The following TEX10 variants were observed in gnomAD, a reference collection of about 807,000 sequenced individuals.
The protein encoded by TEX10 is testis-expressed protein 10.
TEX10 carries 24 observed loss-of-function variants against 104.4 expected under a neutral mutation model. That is an observed-to-expected ratio of 0.23 (90% CI 0.17 to 0.32). The LOEUF is 0.32. Ranked by LOEUF, TEX10 falls within the 10% of genes least tolerant of loss-of-function variation. The pLI, the probability that TEX10 is intolerant of heterozygous loss-of-function variation, is 1.00. For missense variants in TEX10, 921 were observed against 1,083.9 expected (o/e 0.85, Z 2.11); for synonymous variants, 396 against 393.4 (o/e 1.01, Z -0.08).
chr9:100,338,439 G>A (rs773243209), intron 5 of TEX10, among the ~76,000 whole-genome samples: 17 of 152,202 alleles, frequency 1.1e-4, no homozygotes, highest in Admixed American at 7.2e-4. Context: ...ACCCTTCTGA[G>A]AGGTTAGAGT....
chr9:100,315,985 G>A (rs1834407838), intron 11 of TEX10, among the ~76,000 whole-genome samples: 1 of 152,158 alleles, frequency 6.6e-6, no homozygotes. Context: ...TACTTTGTTG[G>A]CTAGGTTTTC....
intron 11 of TEX10, among the ~76,000 whole-genome samples, chr9:100,317,060 C>A (rs929331697): frequency 3.3e-5 from 5 of 151,962 alleles, no homozygotes; most frequent in Non-Finnish European, 7.4e-5. Context: ...AAAATGACAA[C>A]ACTAACCAAA....
At chr9:100,336,544 A>G (rs1471008299) in intron 5 of TEX10, among the ~76,000 whole-genome samples, 1 of 152,212 alleles carries the variant, frequency 6.6e-6, no homozygotes, top group Non-Finnish European at 1.5e-5. Flanking sequence ...TCACCCCCAG[A>G]TAAGACTGTC....
chr9:100,344,171 G>A (rs1835243744), intron 4 of TEX10, among the ~76,000 whole-genome samples: 1 of 152,062 alleles, frequency 6.6e-6, no homozygotes, highest in African/African-American at 2.4e-5. Flanking sequence ...ATTCCTATCT[G>A]AATTTATTTA....
At chr9:100,347,526 G>C (rs1835330374) in intron 2 of TEX10, 120 bp from the exon 3 acceptor site, 1 of 669,398 alleles carries the variant, frequency 1.5e-6, no homozygotes, top group East Asian at 3.0e-5. Context: ...GCTTCAATAA[G>C]TACTTTTTAA....
intron 5 of TEX10, among the ~76,000 whole-genome samples, chr9:100,338,659 G>A (rs960073502): frequency 2.0e-5 from 3 of 152,182 alleles, no homozygotes; most frequent in African/African-American, 4.8e-5. Flanking sequence ...GGGAGGCCAA[G>A]GTAGTGGGTC....
At position 100,330,001 on chromosome 9, in the gene TEX10, C is replaced by T. The variant is rs1834815382; in HGVS notation, c.1419G>A (p.Arg473=). The part of the protein sequence containing the change: ...FVTETLEDGS[R]LNSKQLNRLL... ...ATCTGTTCAGTTGCTTACTATTTAG[C>T]CTAGAGCCATCTTCAAGGGTCTCTG... is the stretch of plus-strand genomic sequence containing the variant. The change falls in exon 6 of 15, where the codon AGG becomes AGA. Residue 473 remains arginine (R), a synonymous_variant. Coordinates refer to ENST00000374902, the MANE Select transcript of TEX10 (RefSeq NM_017746.4). 6.2e-7 allele frequency: 1 copy of T among 1,614,122 alleles called. No individual in the cohort carries two copies. Among genetic ancestry groups the T allele is most frequent in the East Asian group, 2.2e-5 (1 of 44,878 alleles).
In TEX10 at chr9:100,302,280, C is replaced by G. The variant is rs760004585; in HGVS notation, c.2701G>C (p.Glu901Gln). 23 of 1,613,346 alleles carry G rather than the reference C, an allele frequency of 1.4e-5. No individual in the cohort carries two copies. The highest frequency in any genetic ancestry group is 1.9e-5 in the Non-Finnish European group (23 of 1,179,630). ...TAATGTAAGTCTGTGAGCCACTGTTCCTGAACACTTCCACTCTTCAATGTC... is the reference window on the plus strand; with the variant it reads ...TAATGTAAGTCTGTGAGCCACTGTTGCTGAACACTTCCACTCTTCAATGTC... ...ITTLKSGSVQ[E>Q]QWLTDLHYCF... Residue 901 changes from glutamate to glutamine, a missense_variant, in exon 15 of 15, where the codon GAA becomes CAA. Physicochemically the swap from Glu to Gln is conservative, Grantham distance 29. Around this residue, in one of 3 missense-constraint regions of TEX10, gnomAD observed 753 missense variants for 868.4 expected, o/e 0.87. Transcript: ENST00000374902.
Position 100,329,162 on chromosome 9 carries a change from C to G in TEX10, c.1603G>C (p.Glu535Gln). The change falls in exon 7 of 15, where the codon GAA becomes CAA. Residue 535 changes from glutamate to glutamine, a missense_variant. By Grantham distance (29) the Glu-to-Gln change is conservative (BLOSUM62 2). Transcript: ENST00000374902. ...KFFSKIYQTE[E>Q]LRSCRFRYRS... is the part of the protein sequence containing the mutation. ...TACCTGAATCTACAAGATCTCAGTTCTTCTGTCTGATAGATTTTACTGAAA... is the reference window on the plus strand; with the variant it reads ...TACCTGAATCTACAAGATCTCAGTTGTTCTGTCTGATAGATTTTACTGAAA... 1 of 1,607,162 alleles carries G rather than the reference C, an allele frequency of 6.2e-7. No homozygotes were observed. Among genetic ancestry groups the G allele is most frequent in the Non-Finnish European group, 8.5e-7 (1 of 1,178,498 alleles).
At chr9:100,351,056 G>C (rs1423791238) in intron 1 of TEX10, among the ~76,000 whole-genome samples, 6 of 152,038 alleles carry the variant, frequency 3.9e-5, no homozygotes, top group African/African-American at 1.2e-4. Flanking sequence ...TCAAGTCTCA[G>C]GATCAGGACA....
chr9:100,346,357 T>C (rs756981335), intron 3 of TEX10, 42 bp from the exon 4 acceptor site: 1 of 1,566,516 alleles, frequency 6.4e-7, no homozygotes, highest in Non-Finnish European at 8.6e-7. Context: ...GATTAAAAAA[T>C]GTTTATTATC....
chr9:100,314,469 G>C lies in TEX10; in HGVS notation c.2203-4090C>G, dbSNP rs181554771. On this transcript the variant is annotated intron_variant, in intron 11 of 14. Coordinates refer to ENST00000374902, the MANE Select transcript of TEX10 (RefSeq NM_017746.4). ...TCTGTTTCATCCTGGTTCAACCTTG[G>C]GGAGTTGTATGTTTCCAGGAATTTA... Among the ~76,000 whole-genome samples the C allele has an allele frequency of 2.6e-5, 4 of 152,188 alleles. No homozygotes were observed. The East Asian group carries it at 7.7e-4, about 29-fold the overall frequency.
intron 4 of TEX10, among the ~76,000 whole-genome samples, chr9:100,345,032 G>A (rs1016204690): frequency 6.6e-6 from 1 of 152,048 alleles, no homozygotes; most frequent in Admixed American, 6.5e-5. Flanking sequence ...CATTCTTACT[G>A]TCTCTAGCCT....
chr9:100,311,831 T>C (rs1834289889), intron 11 of TEX10, among the ~76,000 whole-genome samples: 2 of 152,058 alleles, frequency 1.3e-5, no homozygotes, highest in Admixed American at 1.3e-4. Flanking sequence ...AAATGAAATA[T>C]GTAAAAACAT....
intron 4 of TEX10, among the ~76,000 whole-genome samples, chr9:100,343,976 A>G (rs1257632075): frequency 6.6e-6 from 1 of 152,222 alleles, no homozygotes; most frequent in Admixed American, 6.5e-5. Flanking sequence ...GTCATTTTGT[A>G]TAGAATGCTA....
rs1835376459 is a variant in TEX10 at position 100,349,168 on chromosome 9, A to G, written c.180+16T>C. 2.0e-6 allele frequency: 3 copies of G among 1,513,126 alleles called. No homozygotes were observed. The highest frequency in any genetic ancestry group is 2.4e-5 in the East Asian group (1 of 42,376). The allele number at this position is 1,513,126 out of a possible 1,614,324, so 93.7% of individuals were successfully genotyped here. A position where few individuals can be genotyped will look rare whatever the true frequency, so the allele number is the denominator to read the frequency against. ...AAAGAAAATCTTATTTTGTCAAAAC[A>G]TGATTTATGATTTACCTTTATGTTA... On this transcript the variant is annotated intron_variant, in intron 2 of 14. Coordinates refer to ENST00000374902, the MANE Select transcript of TEX10 (RefSeq NM_017746.4).
Position 100,330,177 on chromosome 9 carries a change from CAA to C in TEX10, c.1251-10_1251-9del. On this transcript the variant is annotated splice_polypyrimidine_tract_variant and intron_variant, in intron 5 of 14. Transcript: ENST00000374902. Reference sequence around the variant, plus strand: ...ACTGTGCAATGCTTGATGCTAGAAACAAAGACACACACATCTATAAAGCATTA... The same window carrying C: ...ACTGTGCAATGCTTGATGCTAGAAACAGACACACACATCTATAAAGCATTA... 6.5e-7 allele frequency: 1 copy of C among 1,549,196 alleles called. No homozygotes were observed. Among genetic ancestry groups the C allele is most frequent in the Non-Finnish European group, 8.9e-7 (1 of 1,126,972 alleles).
intron 9 of TEX10, among the ~76,000 whole-genome samples, chr9:100,325,467 G>A (rs116731068): frequency 0.05 from 7,658 of 152,288 alleles, 616 homozygotes; most frequent in African/African-American, 0.17. Context: ...GCTGCAGTGA[G>A]CTATGATCAT....
intron 14 of TEX10, 112 bp from the exon 15 acceptor site, chr9:100,302,416 A>C: frequency 1.5e-6 from 1 of 650,354 alleles, no homozygotes; most frequent in Non-Finnish European, 2.6e-6. Context: ...CTGTATCCCC[A>C]TCTGTAAATT....
Sources: gnomAD v4.1 joint callset for allele counts (sites outside exome capture counted in the v4.1 genomes callset) on GRCh38, gnomAD v4.1.1 for gene constraint, gnomAD v4.1.1 regional missense constraint, MANE v1.5 for transcripts, NCBI Gene and HGNC (gene_info 2026-07-23, HGNC 2026-07-21) for gene names.